Variants in DSTYK observed in about 807,000 individuals in gnomAD.
DSTYK encodes RIP-homologous kinase.
In DSTYK, 34 loss-of-function variants were observed where a neutral mutation model predicts 98.7. The ratio of observed to expected loss-of-function variants is 0.34; its 90% CI spans 0.26 to 0.46. The LOEUF (loss-of-function observed/expected upper bound fraction) is 0.46, where lower values mean the gene tolerates loss of function less well. DSTYK is among the 20% of genes least tolerant of loss of function. The probability of loss-of-function intolerance (pLI) is 1.00; values close to 1 mark genes in which losing one functional copy is unlikely to be tolerated. For synonymous variants in DSTYK, 462 were observed against 457.3 expected (o/e 1.01, Z -0.13); for missense variants, 962 against 1,181.7 (o/e 0.81, Z 2.73).
Position 205,143,150 on chromosome 1 carries a change from CT to C in DSTYK, c.*4407del, listed in dbSNP as rs879002141. The C allele has an allele frequency of 2.5e-3, 358 of 142,922 alleles. No homozygotes were observed. The highest frequency in any genetic ancestry group is 2.8e-3 in the Non-Finnish European group (179 of 64,932). The allele number at this position is 142,922 out of a possible 1,614,324, so 8.9% of individuals were successfully genotyped here. A position where few individuals can be genotyped will look rare whatever the true frequency, so the allele number is the denominator to read the frequency against. On this transcript the variant is annotated 3_prime_UTR_variant, in exon 13 of 13. Coordinates refer to ENST00000367162, the MANE Select transcript of DSTYK (RefSeq NM_015375.3). Reference sequence around the variant, plus strand: ...AAGGATTAACCTTCTTTTTCTTTTTCTTTTTTTTTTTTTTGAGATGGAGTCT... The same window carrying C: ...AAGGATTAACCTTCTTTTTCTTTTTCTTTTTTTTTTTTTGAGATGGAGTCT...
intron 2 of DSTYK, among the ~76,000 whole-genome samples, chr1:205,181,184 C>T (rs1558616156): frequency 1.3e-5 from 2 of 152,092 alleles, no homozygotes. Context: ...TGGAGTTGAC[C>T]ATTTTTTGGC....
rs1224640845 is a variant in DSTYK at position 205,144,755 on chromosome 1, C to T, written c.*2803G>A. ...TGTAACACAACTACTCATCTCCTTA[C>T]TTATATCAGTCCCTCCCTTCCACCC... On this transcript the variant is annotated 3_prime_UTR_variant, in exon 13 of 13. Coordinates refer to ENST00000367162, the MANE Select transcript of DSTYK (RefSeq NM_015375.3). 1 of 152,182 alleles carries T rather than the reference C, an allele frequency of 6.6e-6. No homozygotes were observed. Among genetic ancestry groups the T allele is most frequent in the Non-Finnish European group, 1.5e-5 (1 of 68,042 alleles). The allele number at this position is 152,182 out of a possible 1,614,324, so 9.4% of individuals were successfully genotyped here.
chr1:205,153,782 C>T (rs985558163), intron 10 of DSTYK, among the ~76,000 whole-genome samples: 9 of 151,610 alleles, frequency 5.9e-5, no homozygotes, highest in African/African-American at 2.2e-4. Context: ...TGGCTTACTG[C>T]AACCTCTGCC....
chr1:205,163,901 C>T lies in DSTYK; in HGVS notation c.1379G>A (p.Cys460Tyr), dbSNP rs756357681. ...GATGAGTTCCTGGATCTGTCGGATG[C>T]AGCATTTGATCTCTCTGGTGCCTAC... ...EPVGTREIKC[C>Y]IRQIQELIIS... Residue 460 changes from cysteine to tyrosine, a missense_variant, in exon 4 of 13, where the codon TGC (cysteine) becomes TAC (tyrosine). Cys to Tyr is a radical substitution (Grantham distance 194). This residue lies in a region of DSTYK where 660 missense variants were observed against 855.0 expected (regional missense o/e 0.77). Transcript: ENST00000367162. 1 of 1,614,136 alleles carries T rather than the reference C, an allele frequency of 6.2e-7. No individual in the cohort carries two copies. The highest frequency in any genetic ancestry group is 1.3e-5 in the African/African-American group (1 of 75,028).
At chr1:205,188,177 A>G (rs1038810746) in intron 1 of DSTYK, among the ~76,000 whole-genome samples, 1 of 152,180 alleles carries the variant, frequency 6.6e-6, no homozygotes, top group African/African-American at 2.4e-5. Context: ...CCAGAAAAAA[A>G]CTACACTAGT....
intron 10 of DSTYK, among the ~76,000 whole-genome samples, chr1:205,153,462 C>G (rs1657460144): frequency 6.6e-6 from 1 of 152,046 alleles, no homozygotes. Flanking sequence ...AGAAACATGA[C>G]AACAAAATAT....
At chr1:205,199,233 C>T (rs989938524) in intron 1 of DSTYK, among the ~76,000 whole-genome samples, 3 of 152,054 alleles carry the variant, frequency 2.0e-5, no homozygotes, top group African/African-American at 7.3e-5. Context: ...AAGCGGTGGT[C>T]AAAAGGTTCC....
intron 1 of DSTYK, among the ~76,000 whole-genome samples, chr1:205,206,925 C>A (rs1323054601): frequency 6.6e-6 from 1 of 152,038 alleles, no homozygotes; most frequent in Admixed American, 6.6e-5. Context: ...GAGATCAGTA[C>A]TGTTATAATC....
chr1:205,148,378 G>A (rs755524856), intron 11 of DSTYK, 39 bp from the exon 12 acceptor site: 14 of 1,608,158 alleles, frequency 8.7e-6, no homozygotes, highest in Admixed American at 1.7e-5. Context: ...GAGCCACAGA[G>A]AGTCAGGCAG....
chr1:205,198,916 C>T (rs1310224636), intron 1 of DSTYK, among the ~76,000 whole-genome samples: 5 of 150,654 alleles, frequency 3.3e-5, no homozygotes, highest in African/African-American at 1.2e-4. Flanking sequence ...ACTTCAATCT[C>T]TGCCTCCCAG....
chr1:205,195,111 G>T (rs1658828657), intron 1 of DSTYK, among the ~76,000 whole-genome samples: 2 of 137,024 alleles, frequency 1.5e-5, no homozygotes, highest in South Asian at 4.3e-4. Flanking sequence ...ACAGGTGTGA[G>T]CCACCATGCC....
Position 205,147,648 on chromosome 1 carries a change from G to A in DSTYK, c.2700C>T (p.Gly900=), listed in dbSNP as rs774879238. 1.2e-6 allele frequency: 2 copies of A among 1,614,066 alleles called. No individual in the cohort carries two copies. Among genetic ancestry groups the A allele is most frequent in the Non-Finnish European group, 8.5e-7 (1 of 1,180,034 alleles). The part of the protein sequence containing the change: ...DGDPLKRPLL[G]IVQPMLQGIM... ...TGCCCTGGAGCATGGGCTGGACAAT[G>A]CCCAAGAGAGGCCTCTTCAAGGGGT... Residue 900 remains glycine, a synonymous_variant, in exon 13 of 13, where the codon GGC becomes GGT. Transcript: ENST00000367162.
chr1:205,179,257 T>C (rs79901752), intron 2 of DSTYK, among the ~76,000 whole-genome samples: 1,579 of 152,220 alleles, frequency 0.01, 22 homozygotes, highest in African/African-American at 0.036. Context: ...TAAACAGTCA[T>C]TGAAGGCCCA....
chr1:205,162,093 G>C lies in DSTYK; in HGVS notation c.1761C>G (p.Ser587Arg), dbSNP rs755505835. ...AACTATTGAGCCGAGTCCGGAATTG[G>C]CTGCAAATGCTCTTAGCCAATTTGG... ...SASKLAKSIC[S>R]QFRTRLNSSH... The change falls in exon 6 of 13, where the codon AGC (serine) becomes AGG (arginine). Residue 587 changes from serine to arginine, a missense_variant. By Grantham distance (110) the Ser-to-Arg change is moderately radical. Coordinates refer to ENST00000367162, the MANE Select transcript of DSTYK (RefSeq NM_015375.3). 4.3e-6 allele frequency: 7 copies of C among 1,614,104 alleles called. No homozygotes were observed. Among genetic ancestry groups the C allele is most frequent in the Non-Finnish European group, 5.9e-6 (7 of 1,179,984 alleles).
rs1424694560 is a variant in DSTYK, at chr1:205,203,320, CA to C, written c.265+7950del. Reference sequence around the variant, plus strand: ...CAAAACGGTGAAACCCCGTCTCTACCAAAAAAAAAAAATAGCCAGGTGTGGT... The same window carrying C: ...CAAAACGGTGAAACCCCGTCTCTACCAAAAAAAAAAATAGCCAGGTGTGGT... On this transcript the variant is annotated intron_variant, in intron 1 of 12. Coordinates refer to ENST00000367162, the MANE Select transcript of DSTYK (RefSeq NM_015375.3). Among the ~76,000 whole-genome samples the C allele has an allele frequency of 3.2e-3, 419 of 132,642 alleles. 1 individual carries two copies. Among genetic ancestry groups the C allele is most frequent in the African/African-American group, 7.1e-3 (255 of 36,078 alleles). The allele number at this position is 132,642 out of a possible 152,430, so 87.0% of individuals were successfully genotyped here. A position where few individuals can be genotyped will look rare whatever the true frequency, so the allele number is the denominator to read the frequency against.
chr1:205,204,455 TACACAC>T (rs56294352), intron 1 of DSTYK, among the ~76,000 whole-genome samples: 11 of 148,680 alleles, frequency 7.4e-5, no homozygotes, highest in South Asian at 2.1e-4. Flanking sequence ...ATGCTCACCA[TACACAC>T]ACACACACAC....
At chr1:205,195,253 CATTTCCACAAATA>C (rs1339981906) in intron 1 of DSTYK, among the ~76,000 whole-genome samples, 5 of 152,126 alleles carry the variant, frequency 3.3e-5, no homozygotes, top group African/African-American at 1.2e-4. Flanking sequence ...CACAAAGATG[CATTTCCACAAATA>C]GGTAGTGATG....
At chr1:205,184,398 T>G (rs1390481642) in intron 2 of DSTYK, among the ~76,000 whole-genome samples, 1 of 151,662 alleles carries the variant, frequency 6.6e-6, no homozygotes, top group African/African-American at 2.4e-5. Flanking sequence ...ACAGTGAAAC[T>G]CCATCTCTAC....
chr1:205,202,612 T>G, intron 1 of DSTYK: 1 of 1,135,492 alleles, frequency 8.8e-7, no homozygotes, highest in Admixed American at 1.7e-5. Flanking sequence ...ATACGTGAGC[T>G]CTCTCTGCCA....
Sources: allele counts gnomAD v4.1 joint callset (sites outside exome capture counted in the v4.1 genomes callset), GRCh38; gene constraint gnomAD v4.1.1; regional missense constraint gnomAD v4.1.1; transcripts MANE v1.5; gene names NCBI Gene and HGNC (gene_info 2026-07-23, HGNC 2026-07-21).